CD163L1: variants seen among roughly 807,000 people sequenced by gnomAD.
CD163L1 encodes CD163 molecule like 1.
In CD163L1, 124 loss-of-function variants were observed where a neutral mutation model predicts 165.4. The ratio of observed to expected loss-of-function variants is 0.75; its 90% CI spans 0.65 to 0.87. CD163L1 has a LOEUF of 0.87. CD163L1 is among the 40% of genes least tolerant of loss of function. The pLI, the probability that CD163L1 is intolerant of heterozygous loss-of-function variation, is 0.00. For missense variants in CD163L1, 1,525 were observed against 1,799.9 expected (o/e 0.85, Z 2.76); for synonymous variants, 585 against 662.2 (o/e 0.88, Z 1.79).
At chr12:7,423,811 A>G (rs1948486177) in intron 4 of CD163L1, among the ~76,000 whole-genome samples, 1 of 152,140 alleles carries the variant, frequency 6.6e-6, no homozygotes, top group South Asian at 2.1e-4. Flanking sequence ...GACCAATAAC[A>G]AGTTCTGAAA....
At chr12:7,339,376 G>A in the CD163L1 span, among the ~76,000 whole-genome samples, 1 of 152,116 alleles carries the variant, frequency 6.6e-6, no homozygotes, top group Non-Finnish European at 1.5e-5. Flanking sequence ...AGTCTCTGAT[G>A]CAGTATGCTT....
At chr12:7,422,883 G>C (rs937277130) in intron 4 of CD163L1, among the ~76,000 whole-genome samples, 3 of 151,448 alleles carry the variant, frequency 2.0e-5, no homozygotes, top group African/African-American at 7.3e-5. Context: ...AATAGTGGGA[G>C]ACTTTAACAC....
In CD163L1 at chr12:7,373,660, T is replaced by C; in HGVS notation, c.3410-20A>G. On this transcript the variant is annotated intron_variant, in intron 13 of 19. Transcript: ENST00000313599. ...TGAATTCTACAGAGAAATACAAAAC[T>C]TAGTATTAAATATTTCCTTTGGAGT... 1 of 1,541,212 alleles carries C rather than the reference T, an allele frequency of 6.5e-7. No individual in the cohort carries two copies. Among genetic ancestry groups the C allele is most frequent in the Non-Finnish European group, 8.7e-7 (1 of 1,143,492 alleles).
intron 18 of CD163L1, among the ~76,000 whole-genome samples, chr12:7,366,016 TTGA>T (rs1452921234): frequency 1.3e-5 from 2 of 152,134 alleles, no homozygotes; most frequent in African/African-American, 2.4e-5. Flanking sequence ...TAAGTGTCCC[TTGA>T]TGAATGAATG....
Position 7,406,616 on chromosome 12 carries a change from C to A in CD163L1, c.1003G>T (p.Glu335Ter), listed in dbSNP as rs1948020108. The A allele has an allele frequency of 6.2e-7, 1 of 1,613,922 alleles. No individual in the cohort carries two copies. The highest frequency in any genetic ancestry group is 1.3e-5 in the African/African-American group (1 of 74,908). ...TGTCTGCAGTCCCAAAGAAAAGATT[C>A]ATTACCGGAGCAGGAGACACCATCA... ...WLDGVSCSGN[E>*]SFLWDCRHSG... The change falls in exon 5 of 20, where the codon GAA becomes TAA. Residue 335 changes from glutamate to a stop codon, truncating the protein, a stop_gained. Coordinates refer to ENST00000313599, the MANE Select transcript of CD163L1 (RefSeq NM_174941.6). LOFTEE classifies it high-confidence loss of function.
rs1555202345 is a variant in CD163L1 at position 7,421,466 on chromosome 12, T to TATATACATATATGTAC, written c.766+10949_766+10950insGTACATATATGTATAT. On this transcript the variant is annotated intron_variant, in intron 4 of 19. Transcript: ENST00000313599. ...ATATACATATATGTACATATATACA[T>TATATACATATATGTAC]ATATATACATATATGTACATATATA... Among the ~76,000 whole-genome samples the TATATACATATATGTAC allele has an allele frequency of 3.2e-5, 3 of 92,878 alleles. 1 individual carries two copies. The highest frequency in any genetic ancestry group is 7.4e-4 in the South Asian group (2 of 2,706). 60.9% of individuals were successfully genotyped at this position (92,878 alleles called of 152,430 possible).
rs144374967 is a variant in CD163L1, at chr12:7,368,127, C to T, written c.4143G>A (p.Thr1381=). 5.8e-5 allele frequency: 93 copies of T among 1,612,264 alleles called. 2 individuals are homozygous for T. In the South Asian group the frequency reaches 9.2e-4, roughly 16 times the overall value. Residue 1381 remains threonine, a synonymous_variant, in exon 17 of 20, where the codon ACG becomes ACA. Transcript: ENST00000313599. This position sits in a 1 kb window ranked among gnomAD's most constrained non-coding sequence, Gnocchi z 4.3. ...LLLVLFILFL[T]WCRVQKQKHL... is the part of the protein sequence containing the mutation. ...GTTTTTGTTTCTGAACTCGGCACCA[C>T]GTGAGAAATAGAATAAACAGAACCA... is the stretch of plus-strand genomic sequence containing the variant.
At chr12:7,373,738 G>C in intron 13 of CD163L1, 98 bp from the exon 14 acceptor site, 1 of 973,930 alleles carries the variant, frequency 1.0e-6, no homozygotes, top group South Asian at 1.7e-5. Flanking sequence ...AATACATTAG[G>C]GCTCACAATA....
At chr12:7,324,288 A>C in the CD163L1 span, 1 of 1,612,876 alleles carries the variant, frequency 6.2e-7, no homozygotes, top group Non-Finnish European at 8.5e-7. Flanking sequence ...TCCACAGAAA[A>C]CTGCTGCCAC....
chr12:7,407,817 ACACACACACAT>A (rs2136536847), intron 4 of CD163L1, among the ~76,000 whole-genome samples: 1 of 151,586 alleles, frequency 6.6e-6, no homozygotes, highest in East Asian at 1.9e-4. Flanking sequence ...AGACACACAC[ACACACACACAT>A]ACACACACAA....
At chr12:7,410,918 T>C (rs940518303) in intron 4 of CD163L1, among the ~76,000 whole-genome samples, 7 of 150,280 alleles carry the variant, frequency 4.7e-5, no homozygotes, top group Non-Finnish European at 4.4e-5. Context: ...TCTTCAAATA[T>C]AGCCAAAATT....
At chr12:7,392,318 A>G (rs1357278916) in intron 8 of CD163L1, among the ~76,000 whole-genome samples, 3 of 152,242 alleles carry the variant, frequency 2.0e-5, no homozygotes, top group Non-Finnish European at 2.9e-5. Flanking sequence ...CTGCTCCTGA[A>G]TGATTACTGG....
At chr12:7,335,605 C>T in the CD163L1 span, among the ~76,000 whole-genome samples, 161 of 152,254 alleles carry the variant, frequency 1.1e-3, 2 homozygotes, top group East Asian at 0.027. Flanking sequence ...TGGGCAAGGA[C>T]TTCATGTTTA....
At chr12:7,383,904 A>G (rs1388519797) in intron 8 of CD163L1, among the ~76,000 whole-genome samples, 1 of 152,246 alleles carries the variant, frequency 6.6e-6, no homozygotes, top group Non-Finnish European at 1.5e-5. Context: ...CAAGAAACAT[A>G]AAAAGGCAAG....
chr12:7,323,146 T>C, the CD163L1 span: 1 of 1,303,622 alleles, frequency 7.7e-7, no homozygotes, highest in Non-Finnish European at 1.1e-6. Context: ...GGAAAATCAG[T>C]CAAAATCAAA....
chr12:7,389,089 T>C (rs1947587082), intron 8 of CD163L1, among the ~76,000 whole-genome samples: 1 of 152,240 alleles, frequency 6.6e-6, no homozygotes, highest in Non-Finnish European at 1.5e-5. Flanking sequence ...ATCTCTTTGA[T>C]ACATTGATTT....
At position 7,378,106 on chromosome 12, in the gene CD163L1, C is replaced by T. The variant is rs555067893; in HGVS notation, c.2371+872G>A. On this transcript the variant is annotated intron_variant, in intron 9 of 19. Transcript: ENST00000313599. ...TGCTCCTCTTCCAAGATTATCTTTCCAGATGATGACACTGCAGTGCACCCA... is the reference window on the plus strand; with the variant it reads ...TGCTCCTCTTCCAAGATTATCTTTCTAGATGATGACACTGCAGTGCACCCA... Among the ~76,000 whole-genome samples, 41 of 152,136 alleles carry T rather than the reference C, an allele frequency of 2.7e-4. 1 individual carries two copies. The highest frequency in any genetic ancestry group is 7.2e-4 in the African/African-American group (30 of 41,416).
chr12:7,412,851 C>T (rs1948163051), intron 4 of CD163L1, among the ~76,000 whole-genome samples: 1 of 152,002 alleles, frequency 6.6e-6, no homozygotes, highest in Non-Finnish European at 1.5e-5. Flanking sequence ...AATCCAAGCA[C>T]TTTGGGAGGC....
the CD163L1 span, among the ~76,000 whole-genome samples, chr12:7,334,299 A>G: frequency 6.6e-6 from 1 of 152,242 alleles, no homozygotes; most frequent in South Asian, 2.1e-4. Flanking sequence ...ACCATGATCA[A>G]GTCGGCTTCA....
Sources: gnomAD v4.1 joint callset for allele counts (sites outside exome capture counted in the v4.1 genomes callset) on GRCh38, gnomAD v4.1.1 for gene constraint, Gnocchi (gnomAD v3.1) non-coding constraint, MANE v1.5 for transcripts, NCBI Gene and HGNC (gene_info 2026-07-23, HGNC 2026-07-21) for gene names.